KLHL17: variants seen among roughly 807,000 people sequenced by gnomAD.
KLHL17 encodes the protein kelch like family member 17.
In KLHL17, 71 loss-of-function variants were observed where a neutral mutation model predicts 64.6. That is an observed-to-expected ratio of 1.10 (90% confidence interval 0.91 to 1.34). The LOEUF (loss-of-function observed/expected upper bound fraction) is 1.34, where lower values mean the gene tolerates loss of function less well. Ranked by LOEUF, KLHL17 falls within the 40% of genes most tolerant of loss-of-function variation. KLHL17 has a pLI of 0.00. For synonymous variants in KLHL17, 612 were observed against 405.4 expected (o/e 1.51, Z -6.12); for missense variants, 1,140 against 935.0 (o/e 1.22, Z -2.86).
Position 963,128 on chromosome 1 carries a change from C to T in KLHL17, c.1062C>T (p.Ala354=), listed in dbSNP as rs766593933. ...LFAVGGGSLF[A]IHGDCEAYDT... The stretch of plus-strand genomic sequence containing the variant: ...CCCCAGGCGGCGGGAGCCTGTTTGC[C>T]ATCCACGGAGACTGTGAGGCCTACG... The change falls in exon 7 of 12, where the codon GCC becomes GCT. Residue 354 remains alanine, a synonymous_variant. Coordinates refer to ENST00000338591, the MANE Select transcript of KLHL17 (RefSeq NM_198317.3). 1.2e-6 allele frequency: 2 copies of T among 1,612,064 alleles called. No homozygotes were observed. Among genetic ancestry groups the T allele is most frequent in the South Asian group, 1.1e-5 (1 of 91,024 alleles).
rs540170304 is a variant in KLHL17 at position 962,984 on chromosome 1, C to A, written c.1042+67C>A. ...ACTCCCCACCAGCACAAGCCCACCC[C>A]ACCTGTGCCGGTCAGGTCCTGACCT... On this transcript the variant is annotated intron_variant, in intron 6 of 11. Coordinates refer to ENST00000338591, the MANE Select transcript of KLHL17 (RefSeq NM_198317.3). 1.3e-4 allele frequency: 200 copies of A among 1,514,862 alleles called. No homozygotes were observed. The East Asian group carries it at 2.4e-3, about 18-fold the overall frequency. The allele number at this position is 1,514,862 out of a possible 1,614,324, so 93.8% of individuals were successfully genotyped here.
In KLHL17 at chr1:961,337, C is replaced by A. The variant is rs771436592; in HGVS notation, c.152C>A (p.Ala51Asp). 1 of 1,558,574 alleles carries A rather than the reference C, an allele frequency of 6.4e-7. No homozygotes were observed. Among genetic ancestry groups the A allele is most frequent in the Non-Finnish European group, 8.6e-7 (1 of 1,156,846 alleles). Residue 51 changes from alanine (A) to aspartate (D), a missense_variant, in exon 2 of 12, where the codon GCC (alanine) becomes GAC (aspartate). Transcript: ENST00000338591. Reference protein sequence around the residue: ...RTRPRQARPAAPMEGAVQLLS... With the variant: ...RTRPRQARPADPMEGAVQLLS... Reference sequence around the variant, plus strand: ...CGGCCCCGGCAGGCTCGGCCCGCAGCCCCCATGGAGGGAGCCGTGCAGCTG... The same window carrying A: ...CGGCCCCGGCAGGCTCGGCCCGCAGACCCCATGGAGGGAGCCGTGCAGCTG...
In KLHL17 at chr1:962,026, T is replaced by C; in HGVS notation, c.690T>C (p.Phe230=). The change falls in exon 4 of 12, where the codon TTT becomes TTC. Residue 230 remains phenylalanine (F), a synonymous_variant. Transcript: ENST00000338591. ...TGGACGTGGCCAAGACCGAGGAGTT[T>C]ATGCTGCTGCCCCTGAAACAGGTAA... ...HFVDVAKTEE[F]MLLPLKQVLE... The C allele has an allele frequency of 6.2e-7, 1 of 1,612,802 alleles. No individual in the cohort carries two copies. The highest frequency in any genetic ancestry group is 1.1e-5 in the South Asian group (1 of 91,086).
In KLHL17 at chr1:961,700, G is replaced by T; in HGVS notation, c.439G>T (p.Val147Leu). 2.5e-6 allele frequency: 4 copies of T among 1,612,374 alleles called. No individual in the cohort carries two copies. Among genetic ancestry groups the T allele is most frequent in the Non-Finnish European group, 3.4e-6 (4 of 1,179,550 alleles). The change falls in exon 3 of 12, where the codon GTG becomes TTG. Residue 147 changes from valine (V) to leucine (L), a missense_variant. Coordinates refer to ENST00000338591, the MANE Select transcript of KLHL17 (RefSeq NM_198317.3). ...CGACCCTCAGGCCTTGGACCAGCTG[G>T]TGCAGTTTGCCTACACGGCTGAGAT... ...DIDPQALDQL[V>L]QFAYTAEIVV...
In KLHL17 at chr1:962,460, C is replaced by T; in HGVS notation, c.817C>T (p.His273Tyr). 1 of 1,612,580 alleles carries T rather than the reference C, an allele frequency of 6.2e-7. No individual in the cohort carries two copies. The highest frequency in any genetic ancestry group is 8.5e-7 in the Non-Finnish European group (1 of 1,179,876). ...ACACGACGTGGACGCCCGCAGGCAGCATGTCCCACGGGTGAGGCGCGGCCG... is the reference window on the plus strand; with the variant it reads ...ACACGACGTGGACGCCCGCAGGCAGTATGTCCCACGGGTGAGGCGCGGCCG... Reference protein sequence around the residue: ...VKHDVDARRQHVPRLMKCVRL... With the variant: ...VKHDVDARRQYVPRLMKCVRL... Residue 273 changes from histidine to tyrosine, a missense_variant, in exon 5 of 12, where the codon CAT becomes TAT. His to Tyr is a moderately conservative substitution (Grantham distance 83). Transcript: ENST00000338591.
intron 6 of KLHL17, 43 bp downstream of exon 6, chr1:962,960 C>T (rs1642728207): frequency 6.6e-7 from 1 of 1,521,784 alleles, no homozygotes; most frequent in Non-Finnish European, 8.8e-7. Flanking sequence ...GTGCCTTCTA[C>T]TCCCCACCAG....
chr1:964,213 C>T (rs1181567980), intron 10 of KLHL17, 33 bp downstream of exon 10: 16 of 1,610,442 alleles, frequency 9.9e-6, no homozygotes, highest in Non-Finnish European at 1.3e-5. Flanking sequence ...CCACCCCCTC[C>T]CGTGCGCCGC....
At chr1:961,208 C>G (rs1642628072) in intron 1 of KLHL17, 85 bp from the exon 2 acceptor site, 1 of 1,059,376 alleles carries the variant, frequency 9.4e-7, no homozygotes, top group Non-Finnish European at 1.2e-6. Context: ...GGCTGGGTCC[C>G]CGCGGGCTGC....
In KLHL17 at chr1:963,222, G is replaced by A; in HGVS notation, c.1156G>A (p.Ala386Thr). ...STRRARVGVA[A>T]VGNRLYAVGG... ...GCGCCGGGCCCGGGTGGGAGTGGCT[G>A]CGGTGGGGAACCGGCTCTATGCTGT... Residue 386 changes from alanine (A) to threonine (T), a missense_variant, in exon 7 of 12, where the codon GCG (alanine) becomes ACG (threonine). Coordinates refer to ENST00000338591, the MANE Select transcript of KLHL17 (RefSeq NM_198317.3). 1 of 1,607,386 alleles carries A rather than the reference G, an allele frequency of 6.2e-7. No individual in the cohort carries two copies. The highest frequency in any genetic ancestry group is 8.5e-7 in the Non-Finnish European group (1 of 1,176,180).
At chr1:962,646 C>T (rs1642711056) in intron 5 of KLHL17, 58 bp from the exon 6 acceptor site, 3 of 1,537,084 alleles carry the variant, frequency 2.0e-6, no homozygotes, top group Admixed American at 3.8e-5. Context: ...GTTGTCTCAG[C>T]CCTGACGCCC....
chr1:963,735 G>A, intron 8 of KLHL17, 185 bp from the exon 9 acceptor site: 1 of 828,826 alleles, frequency 1.2e-6, no homozygotes, highest in African/African-American at 1.7e-5. Flanking sequence ...AGGTGGGTGT[G>A]CACCCAGGGT....
chr1:963,085 C>A, intron 6 of KLHL17, 24 bp from the exon 7 acceptor site: 1 of 1,608,320 alleles, frequency 6.2e-7, no homozygotes, highest in Non-Finnish European at 8.5e-7. Flanking sequence ...ACTCACGAGT[C>A]CCGTCTCCAC....
chr1:965,452 CG>C lies in KLHL17; in HGVS notation c.*266del. 3.7e-6 allele frequency: 2 copies of C among 540,076 alleles called. No homozygotes were observed. The highest frequency in any genetic ancestry group is 3.2e-5 in the East Asian group (1 of 31,714). 33.5% of individuals were successfully genotyped at this position (540,076 alleles called of 1,614,324 possible). A position where few individuals can be genotyped will look rare whatever the true frequency, so the allele number is the denominator to read the frequency against. On this transcript the variant is annotated 3_prime_UTR_variant, in exon 12 of 12. Transcript: ENST00000338591. Reference sequence around the variant, plus strand: ...ATGGGGGGCGCGGGGAGTGACCAGGCGGGGGCCTCACCGCCCCAGGGCCGTT... The same window carrying C: ...ATGGGGGGCGCGGGGAGTGACCAGGCGGGGCCTCACCGCCCCAGGGCCGTT...
At chr1:964,063 C>G (rs757080814) in intron 9 of KLHL17, 44 bp from the exon 10 acceptor site, 2 of 1,612,208 alleles carry the variant, frequency 1.2e-6, no homozygotes, top group South Asian at 2.2e-5. Context: ...CCGTGGAGAC[C>G]CCACTCCCAG....
In KLHL17 at chr1:961,983, A is replaced by C; in HGVS notation, c.647A>C (p.Tyr216Ser). The change falls in exon 4 of 12, where the codon TAC becomes TCC. Residue 216 changes from tyrosine to serine, a missense_variant. Transcript: ENST00000338591. ...GACCTGCTCAAGGCCGCCCACAGGT[A>C]CGTGCTGCAGCACTTCGTGGACGTG... The part of the protein sequence containing the change: ...CSDLLKAAHR[Y>S]VLQHFVDVAK... 1 of 1,612,952 alleles carries C rather than the reference A, an allele frequency of 6.2e-7. No homozygotes were observed. The highest frequency in any genetic ancestry group is 8.5e-7 in the Non-Finnish European group (1 of 1,180,028).
rs1314012616 is a variant in KLHL17 at position 965,408 on chromosome 1, C to T, written c.*217C>T. On this transcript the variant is annotated 3_prime_UTR_variant, in exon 12 of 12. Transcript: ENST00000338591. The stretch of plus-strand genomic sequence containing the variant: ...TTTAGCGTCTGGTCCTCCTGCGTGT[C>T]CTCCCCTCCACTGCCTGCATGGGGG... 4 of 571,020 alleles carry T rather than the reference C, an allele frequency of 7.0e-6. No individual in the cohort carries two copies. The highest frequency in any genetic ancestry group is 1.2e-5 in the Non-Finnish European group (4 of 325,912). 35.4% of individuals were successfully genotyped at this position (571,020 alleles called of 1,614,324 possible).
In KLHL17 at chr1:961,856, C is replaced by G; in HGVS notation, c.520C>G (p.Leu174Val). 2 of 1,611,480 alleles carry G rather than the reference C, an allele frequency of 1.2e-6. No homozygotes were observed. The highest frequency in any genetic ancestry group is 1.7e-6 in the Non-Finnish European group (2 of 1,179,988). The change falls in exon 4 of 12, where the codon CTG becomes GTG. Residue 174 changes from leucine to valine, a missense_variant. Physicochemically the swap from Leu to Val is conservative, Grantham distance 32. Coordinates refer to ENST00000338591, the MANE Select transcript of KLHL17 (RefSeq NM_198317.3). ...TLLPAASLLQ[L>V]NGVRDACCKF... is the part of the protein sequence containing the mutation. Reference sequence around the variant, plus strand: ...GCTCCCAGCCGCCAGTCTCCTGCAGCTGAATGGCGTCCGAGACGCTTGCTG... The same window carrying G: ...GCTCCCAGCCGCCAGTCTCCTGCAGGTGAATGGCGTCCGAGACGCTTGCTG...
chr1:962,024 T>C lies in KLHL17; in HGVS notation c.688T>C (p.Phe230Leu). 1 of 1,612,420 alleles carries C rather than the reference T, an allele frequency of 6.2e-7. No homozygotes were observed. The highest frequency in any genetic ancestry group is 8.5e-7 in the Non-Finnish European group (1 of 1,179,868). ...CGTGGACGTGGCCAAGACCGAGGAG[T>C]TTATGCTGCTGCCCCTGAAACAGGT... is the stretch of plus-strand genomic sequence containing the variant. ...HFVDVAKTEEFMLLPLKQVLE... is the reference protein window; with the variant it reads ...HFVDVAKTEELMLLPLKQVLE... Residue 230 changes from phenylalanine to leucine, a missense_variant, in exon 4 of 12, where the codon TTT (phenylalanine) becomes CTT (leucine). By Grantham distance (22) the Phe-to-Leu change is conservative. Transcript: ENST00000338591.
At chr1:962,285 G>A in intron 4 of KLHL17, 70 bp from the exon 5 acceptor site, 1 of 1,607,466 alleles carries the variant, frequency 6.2e-7, no homozygotes, top group Non-Finnish European at 8.5e-7. Flanking sequence ...CTCCCTCCTA[G>A]GCATCTTCAG....
Sources: allele counts gnomAD v4.1 joint callset, GRCh38; gene constraint gnomAD v4.1.1; transcripts MANE v1.5; gene names NCBI Gene and HGNC (gene_info 2026-07-23, HGNC 2026-07-21).